Variants in ADAMTS12 observed in about 807,000 individuals in gnomAD.
ADAMTS12 encodes A disintegrin and metalloproteinase with thrombospondin motifs 12.
ADAMTS12 carries 118 observed loss-of-function variants against 167.8 expected under a neutral mutation model. The observed-to-expected ratio is 0.70, with a 90% CI of 0.61 to 0.82. The LOEUF (loss-of-function observed/expected upper bound fraction) is 0.82, where lower values mean the gene tolerates loss of function less well. Among genes scored for constraint, ADAMTS12 ranks in the 40% least tolerant of loss-of-function variants. The probability of loss-of-function intolerance (pLI) is 0.00; values close to 1 mark genes in which losing one functional copy is unlikely to be tolerated. For missense variants in ADAMTS12, 1,916 were observed against 1,998.8 expected (o/e 0.96, Z 0.79); for synonymous variants, 704 against 716.9 (o/e 0.98, Z 0.29).
chr5:33,836,865 A>C lies in ADAMTS12; in HGVS notation c.489+44254T>G, dbSNP rs1289385312. ...GGGCTGGTGGTAGAATGGGAAGGTCAGAGGCTGCAGAGAGAGGTCATCTGG... is the reference window on the plus strand; with the variant it reads ...GGGCTGGTGGTAGAATGGGAAGGTCCGAGGCTGCAGAGAGAGGTCATCTGG... On this transcript the variant is annotated intron_variant, in intron 2 of 23. Coordinates refer to ENST00000504830, the MANE Select transcript of ADAMTS12 (RefSeq NM_030955.4). Among the ~76,000 whole-genome samples, 5 of 152,216 alleles carry C rather than the reference A, an allele frequency of 3.3e-5. No individual in the cohort carries two copies. In the South Asian group the frequency reaches 1.0e-3, roughly 31 times the overall value.
chr5:33,846,359 C>T (rs187298163), intron 2 of ADAMTS12, among the ~76,000 whole-genome samples: 6 of 152,220 alleles, frequency 3.9e-5, no homozygotes, highest in South Asian at 2.1e-4. Context: ...CAGGCTTTCA[C>T]AGTGATTCAC....
At chr5:33,747,403 G>T (rs113754447) in intron 3 of ADAMTS12, among the ~76,000 whole-genome samples, 1 of 150,454 alleles carries the variant, frequency 6.6e-6, no homozygotes, top group African/African-American at 2.5e-5. Flanking sequence ...ACATGTAAAA[G>T]TGAGAATGCC....
At chr5:33,809,706 A>T (rs1747376826) in intron 2 of ADAMTS12, among the ~76,000 whole-genome samples, 1 of 152,120 alleles carries the variant, frequency 6.6e-6, no homozygotes, top group South Asian at 2.1e-4. Flanking sequence ...TTAAGAGGTA[A>T]GGGGTTCTAG....
intron 2 of ADAMTS12, among the ~76,000 whole-genome samples, chr5:33,824,078 T>C (rs1037082277): frequency 6.6e-6 from 1 of 152,166 alleles, no homozygotes; most frequent in Non-Finnish European, 1.5e-5. Context: ...CCCAAGCATA[T>C]CATGGTCATG....
chr5:33,891,499 T>C (rs2111818847), intron 1 of ADAMTS12: 2 of 570,128 alleles, frequency 3.5e-6, no homozygotes, highest in East Asian at 5.8e-5. Flanking sequence ...GTCATCCCTG[T>C]AAAAGAGTGA....
intron 3 of ADAMTS12, among the ~76,000 whole-genome samples, chr5:33,718,638 A>G (rs1004373581): frequency 3.3e-5 from 5 of 152,142 alleles, no homozygotes; most frequent in Admixed American, 1.3e-4. Context: ...CTGCTGCTGT[A>G]AAGAATAGAT....
At chr5:33,790,000 A>G (rs889480702) in intron 2 of ADAMTS12, among the ~76,000 whole-genome samples, 2 of 152,214 alleles carry the variant, frequency 1.3e-5, no homozygotes, top group African/African-American at 4.8e-5. Context: ...GACCTTTTCA[A>G]ACATAACCAC....
chr5:33,600,101 T>C (rs1314094158), intron 16 of ADAMTS12, among the ~76,000 whole-genome samples: 1 of 152,250 alleles, frequency 6.6e-6, no homozygotes, highest in African/African-American at 2.4e-5. Context: ...GTTAACTGTT[T>C]ATCTGGAAGC....
chr5:33,857,028 G>A (rs1334953538), intron 2 of ADAMTS12, among the ~76,000 whole-genome samples: 1 of 152,162 alleles, frequency 6.6e-6, no homozygotes, highest in African/African-American at 2.4e-5. Context: ...AATGGATAAA[G>A]AAATTCAATA....
chr5:33,539,011 G>A (rs1157971347), intron 22 of ADAMTS12, among the ~76,000 whole-genome samples: 5 of 152,098 alleles, frequency 3.3e-5, no homozygotes, highest in African/African-American at 7.2e-5. Flanking sequence ...GTACAATCTC[G>A]GCTCACTGCA....
At chr5:33,540,239 A>G (rs1213519797) in intron 22 of ADAMTS12, among the ~76,000 whole-genome samples, 2 of 152,222 alleles carry the variant, frequency 1.3e-5, no homozygotes, top group Non-Finnish European at 2.9e-5. Context: ...TGGTGAGGTG[A>G]CAACCTAGCT....
At chr5:33,885,281 T>C (rs1027637419) in intron 1 of ADAMTS12, among the ~76,000 whole-genome samples, 5 of 152,218 alleles carry the variant, frequency 3.3e-5, no homozygotes, top group African/African-American at 9.6e-5. Flanking sequence ...TTGTGAGATA[T>C]ATTAATATAT....
intron 22 of ADAMTS12, among the ~76,000 whole-genome samples, chr5:33,537,243 T>C (rs1349653902): frequency 6.6e-6 from 1 of 152,234 alleles, no homozygotes; most frequent in African/African-American, 2.4e-5. Context: ...GATGGAATAT[T>C]ACTGTAAAGA....
At chr5:33,568,743 C>T (rs148120013) in intron 19 of ADAMTS12, among the ~76,000 whole-genome samples, 15 of 152,230 alleles carry the variant, frequency 9.9e-5, no homozygotes, top group East Asian at 1.9e-4. Context: ...AAAGTGGGCA[C>T]AGGACAGTGG....
Position 33,567,550 on chromosome 5 carries a change from C to T in ADAMTS12, c.3973-6371G>A, listed in dbSNP as rs184106620. Among the ~76,000 whole-genome samples the T allele has an allele frequency of 2.6e-4, 40 of 152,312 alleles. No individual in the cohort carries two copies. The South Asian group carries it at 5.2e-3, about 20-fold the overall frequency. On this transcript the variant is annotated intron_variant, in intron 19 of 23. Coordinates refer to ENST00000504830, the MANE Select transcript of ADAMTS12 (RefSeq NM_030955.4). Reference sequence around the variant, plus strand: ...CTCTCCCCAATGTTCCCTCCGCATCCGCATTCTGTAGGGCATGCTGAAGCA... The same window carrying T: ...CTCTCCCCAATGTTCCCTCCGCATCTGCATTCTGTAGGGCATGCTGAAGCA...
In ADAMTS12 at chr5:33,565,679, T is replaced by G. The variant is rs963543031; in HGVS notation, c.3973-4500A>C. Among the ~76,000 whole-genome samples the G allele has an allele frequency of 1.3e-3, 190 of 151,132 alleles. No individual in the cohort carries two copies. The East Asian group carries it at 0.02, about 16-fold the overall frequency. On this transcript the variant is annotated intron_variant, in intron 19 of 23. Coordinates refer to ENST00000504830, the MANE Select transcript of ADAMTS12 (RefSeq NM_030955.4). ...CTGTTGCCAGTTTTTTGTTTGTTTT[T>G]TTTTTTTTTTTTGGTGAGCTATAAT...
intron 16 of ADAMTS12, among the ~76,000 whole-genome samples, chr5:33,596,756 C>T (rs1034954030): frequency 2.0e-5 from 3 of 152,138 alleles, no homozygotes; most frequent in East Asian, 1.9e-4. Flanking sequence ...ACATTATTAG[C>T]GTAATTAAAG....
intron 21 of ADAMTS12, among the ~76,000 whole-genome samples, chr5:33,548,702 G>GCA (rs55980424): frequency 0.23 from 34,475 of 148,834 alleles, 4,642 homozygotes; most frequent in Non-Finnish European, 0.31. Flanking sequence ...CATAAAGAGA[G>GCA]CACACACACA....
At chr5:33,612,821 C>G (rs958994450) in intron 16 of ADAMTS12, among the ~76,000 whole-genome samples, 7 of 152,216 alleles carry the variant, frequency 4.6e-5, no homozygotes, top group African/African-American at 1.7e-4. Context: ...ATCAACACCA[C>G]TCATGGCTGC....
Sources: allele counts gnomAD v4.1 joint callset (sites outside exome capture counted in the v4.1 genomes callset), GRCh38; gene constraint gnomAD v4.1.1; transcripts MANE v1.5; gene names NCBI Gene and HGNC (gene_info 2026-07-23, HGNC 2026-07-21).